The following ARHGAP18 variants were observed in gnomAD, a reference collection of about 807,000 sequenced individuals.
ARHGAP18 encodes the protein rho GTPase-activating protein 18.
In ARHGAP18, 67 loss-of-function variants were observed where a neutral mutation model predicts 86.2. The observed-to-expected ratio is 0.78, with a 90% CI of 0.64 to 0.95. The LOEUF is 0.95. Among genes scored for constraint, ARHGAP18 ranks in the 40% least tolerant of loss-of-function variants. The probability of loss-of-function intolerance (pLI) is 0.00; values close to 1 mark genes in which losing one functional copy is unlikely to be tolerated. For synonymous variants in ARHGAP18, 283 were observed against 280.4 expected (o/e 1.01, Z -0.09); for missense variants, 691 against 780.4 (o/e 0.89, Z 1.37).
In ARHGAP18 at chr6:129,640,063, AAC is replaced by A. The variant is rs1196203807; in HGVS notation, c.317-1436_317-1435del. Among the ~76,000 whole-genome samples the A allele has an allele frequency of 9.5e-4, 132 of 138,920 alleles. 1 individual carries two copies. The highest frequency in any genetic ancestry group is 4.0e-3 in the Middle Eastern group (1 of 248). 91.1% of individuals were successfully genotyped at this position (138,920 alleles called of 152,430 possible). ...GTCTCAAAAAAAAAAAAAAAAAAAA[AAC>A]AAACAAAAGTCAGCCATTATTATTT... On this transcript the variant is annotated intron_variant, in intron 2 of 14. Transcript: ENST00000368149.
intron 1 of ARHGAP18, among the ~76,000 whole-genome samples, chr6:129,670,244 T>A (rs1389957394): frequency 6.6e-6 from 1 of 152,242 alleles, no homozygotes; most frequent in African/African-American, 2.4e-5. Flanking sequence ...TCAACTTTTT[T>A]AAAAAAGGAA....
intron 3 of ARHGAP18, 49 bp from the exon 4 acceptor site, chr6:129,634,154 G>T (rs1346308378): frequency 6.6e-7 from 1 of 1,513,664 alleles, no homozygotes; most frequent in South Asian, 1.1e-5. Flanking sequence ...CAAAACCAGA[G>T]AAAATGGTAC....
At chr6:129,611,894 TG>T (rs534112989) in intron 7 of ARHGAP18, among the ~76,000 whole-genome samples, 258 of 152,368 alleles carry the variant, frequency 1.7e-3, no homozygotes, top group South Asian at 8.5e-3. Flanking sequence ...AGATGTTCAC[TG>T]TTTAAAAGCA....
intron 10 of ARHGAP18, among the ~76,000 whole-genome samples, chr6:129,602,255 C>A (rs755635121): frequency 6.6e-6 from 1 of 152,126 alleles, no homozygotes; most frequent in Non-Finnish European, 1.5e-5. Context: ...TAATTACCTC[C>A]ATTTTACAGA....
In ARHGAP18 at chr6:129,576,539, TC is replaced by T. The variant is rs1788179529; in HGVS notation, c.*1973del. ...ATTATTCAACATTGATGAACTTGGG[TC>T]GTGAGTTCTAAAAGGGATTCAAAAT... On this transcript the variant is annotated 3_prime_UTR_variant, in exon 15 of 15. Transcript: ENST00000368149. 6.6e-6 allele frequency: 1 copy of T among 152,190 alleles called. No individual in the cohort carries two copies. The highest frequency in any genetic ancestry group is 6.5e-5 in the Admixed American group (1 of 15,270). The allele number at this position is 152,190 out of a possible 1,614,324, so 9.4% of individuals were successfully genotyped here.
At chr6:129,658,528 C>A (rs749643175) in intron 1 of ARHGAP18, among the ~76,000 whole-genome samples, 5 of 151,912 alleles carry the variant, frequency 3.3e-5, no homozygotes, top group Non-Finnish European at 7.4e-5. Flanking sequence ...AATTTTAAAT[C>A]AGCAAAATTA....
intron 1 of ARHGAP18, among the ~76,000 whole-genome samples, chr6:129,699,945 T>A (rs1774684132): frequency 6.6e-6 from 1 of 152,218 alleles, no homozygotes; most frequent in Non-Finnish European, 1.5e-5. Context: ...TATTATGTAT[T>A]CTATAGATGA....
intron 1 of ARHGAP18, among the ~76,000 whole-genome samples, chr6:129,705,786 C>T (rs1774793237): frequency 6.6e-6 from 1 of 152,134 alleles, no homozygotes; most frequent in Admixed American, 6.5e-5. Flanking sequence ...TCATCCCACT[C>T]AGTTGTCTTA....
chr6:129,617,552 A>G (rs765487654), intron 6 of ARHGAP18, among the ~76,000 whole-genome samples: 2 of 152,222 alleles, frequency 1.3e-5, no homozygotes, highest in Non-Finnish European at 2.9e-5. Flanking sequence ...TTAAATAAAA[A>G]TGGAAAGAAA....
rs1158701299 is a variant in ARHGAP18 at position 129,578,602 on chromosome 6, C to A, written c.1903G>T (p.Glu635Ter). 6.2e-7 allele frequency: 1 copy of A among 1,607,960 alleles called. No individual in the cohort carries two copies. The highest frequency in any genetic ancestry group is 1.7e-5 in the Admixed American group (1 of 59,668). ...TAAGTGTCATCATCAAGGCAGCGTT[C>A]CCCTGTTAAAATAGATGTTGTGTCA... is the stretch of plus-strand genomic sequence containing the variant. ...FLYEIGGNIGERCLDDDTYMK... is the reference protein window; with the variant it reads ...FLYEIGGNIG The change falls in exon 15 of 15, where the codon GAA becomes TAA. Residue 635 changes from glutamate (E) to a stop codon, truncating the protein, a stop_gained and splice_region_variant. Transcript: ENST00000368149. LOFTEE classifies it high-confidence loss of function.
At chr6:129,697,731 T>C (rs1774643762) in intron 1 of ARHGAP18, among the ~76,000 whole-genome samples, 1 of 152,092 alleles carries the variant, frequency 6.6e-6, no homozygotes, top group Admixed American at 6.5e-5. Flanking sequence ...AGAAATTCAG[T>C]CTGGAAACAT....
chr6:129,578,581 T>C lies in ARHGAP18; in HGVS notation c.1924A>G (p.Thr642Ala), dbSNP rs759036505. The C allele has an allele frequency of 6.2e-7, 1 of 1,611,586 alleles. No individual in the cohort carries two copies. ...NIGERCLDDD[T>A]YMKDLYQLNP... ...AGCTGATATAAATCCTTCATGTAAG[T>C]GTCATCATCAAGGCAGCGTTCCCCT... The change falls in exon 15 of 15, where the codon ACT becomes GCT. Residue 642 changes from threonine (T) to alanine (A), a missense_variant. Transcript: ENST00000368149.
At chr6:129,629,313 AT>A in intron 5 of ARHGAP18, 39 bp downstream of exon 5, 1 of 1,558,110 alleles carries the variant, frequency 6.4e-7, no homozygotes, top group Non-Finnish European at 8.8e-7. Context: ...ATATATGTAT[AT>A]GTACATATAT....
At chr6:129,604,365 AAAGCAGCCAT>A (rs1788810426) in intron 10 of ARHGAP18, among the ~76,000 whole-genome samples, 1 of 152,184 alleles carries the variant, frequency 6.6e-6, no homozygotes, top group African/African-American at 2.4e-5. Flanking sequence ...AGCCACACCC[AAAGCAGCCAT>A]ATTGAATTGA....
chr6:129,618,678 C>T lies in ARHGAP18; in HGVS notation c.952+9G>A. 6.3e-7 allele frequency: 1 copy of T among 1,596,622 alleles called. No individual in the cohort carries two copies. Among genetic ancestry groups the T allele is most frequent in the Non-Finnish European group, 8.5e-7 (1 of 1,170,310 alleles). The stretch of plus-strand genomic sequence containing the variant: ...AAATAAATCCAAGGGTTTATCATTT[C>T]ATGATTACCTTTTGTTTTGATTTTC... On this transcript the variant is annotated intron_variant, in intron 6 of 14. Transcript: ENST00000368149.
intron 5 of ARHGAP18, 104 bp downstream of exon 5, chr6:129,629,241 CTCTCTCTA>C: frequency 1.2e-6 from 1 of 855,470 alleles, no homozygotes; most frequent in Non-Finnish European, 1.6e-6. Context: ...CTGTCTCTCT[CTCTCTCTA>C]TATATATATA....
In ARHGAP18 at chr6:129,642,006, G is replaced by T; in HGVS notation, c.126C>A (p.Gly42=). 1 of 1,613,664 alleles carries T rather than the reference G, an allele frequency of 6.2e-7. No homozygotes were observed. The highest frequency in any genetic ancestry group is 8.5e-7 in the Non-Finnish European group (1 of 1,179,820). The change falls in exon 2 of 15, where the codon GGC becomes GGA. Residue 42 remains glycine (G), a synonymous_variant. Coordinates refer to ENST00000368149, the MANE Select transcript of ARHGAP18 (RefSeq NM_033515.3). ...TGCTTTCCTGGTTCATAGTGTACTG[G>T]CCATATCTGCGACTGTAAATTCAAA... ...GEEATSSRRY[G]QYTMNQESTT...
chr6:129,623,754 G>T (rs377297756), intron 5 of ARHGAP18, among the ~76,000 whole-genome samples: 17 of 152,230 alleles, frequency 1.1e-4, no homozygotes, highest in African/African-American at 3.9e-4. Context: ...CTAAAAAAGA[G>T]TTTCTATAGA....
intron 9 of ARHGAP18, among the ~76,000 whole-genome samples, chr6:129,607,407 C>G (rs9375636): frequency 0.12 from 17,517 of 152,132 alleles, 1,096 homozygotes; most frequent in Admixed American, 0.16. Context: ...ACCAATGAGG[C>G]AGCAAAATGC....
Sources: allele counts gnomAD v4.1 joint callset (sites outside exome capture counted in the v4.1 genomes callset), GRCh38; gene constraint gnomAD v4.1.1; transcripts MANE v1.5; gene names NCBI Gene and HGNC (gene_info 2026-07-23, HGNC 2026-07-21).